STOX1: variants seen among roughly 807,000 people sequenced by gnomAD.
STOX1 encodes the protein storkhead-box protein 1.
STOX1 carries 57 observed loss-of-function variants against 74.8 expected under a neutral mutation model. The observed-to-expected ratio is 0.76, with a 90% CI of 0.62 to 0.95. The LOEUF (loss-of-function observed/expected upper bound fraction) is 0.95. Among genes scored for constraint, STOX1 ranks in the 40% least tolerant of loss-of-function variants. The probability of loss-of-function intolerance (pLI) is 0.00; values close to 1 mark genes in which losing one functional copy is unlikely to be tolerated. For synonymous variants in STOX1, 375 were observed against 401.3 expected (o/e 0.93, Z 0.78); for missense variants, 1,010 against 1,117.0 (o/e 0.90, Z 1.37).
At chr10:68,851,311 A>AAG (rs1554828222) in intron 1 of STOX1, among the ~76,000 whole-genome samples, 2 of 151,980 alleles carry the variant, frequency 1.3e-5, no homozygotes, top group African/African-American at 4.8e-5. Context: ...AAAAAAAAAA[A>AAG]AAAAAGAAAA....
At chr10:68,894,597 G>T (rs374043900), downstream of STOX1, among the ~76,000 whole-genome samples, 1 of 152,208 alleles carries the variant, frequency 6.6e-6, no homozygotes, top group African/African-American at 2.4e-5. Flanking sequence ...CCTGCTCTAA[G>T]TGCCAAGAGA....
rs35174437 is a variant in STOX1 at position 68,888,802 on chromosome 10, A to ATTTTTTTT, written c.2822+2209_2822+2216dup. Among the ~76,000 whole-genome samples the ATTTTTTTT allele has an allele frequency of 3.0e-3, 96 of 32,064 alleles. 19 individuals carry two copies. Among genetic ancestry groups the ATTTTTTTT allele is most frequent in the African/African-American group, 7.0e-3 (53 of 7,598 alleles). 21.0% of individuals were successfully genotyped at this position (32,064 alleles called of 152,430 possible). Reference sequence around the variant, plus strand: ...AGGCATATGTCACTATGCCCAGCTAATTTTTTTTTTTTTTTTTTTTTTTTT... The same window carrying ATTTTTTTT: ...AGGCATATGTCACTATGCCCAGCTAATTTTTTTTTTTTTTTTTTTTTTTTTTTTTTTTT... On this transcript the variant is annotated intron_variant, in intron 3 of 3. Transcript: ENST00000298596.
chr10:68,884,697 T>C lies in STOX1; in HGVS notation c.901T>C (p.Tyr301His), dbSNP rs1237067454. The change falls in exon 3 of 4, where the codon TAC becomes CAC. Residue 301 changes from tyrosine to histidine, a missense_variant. Transcript: ENST00000298596. ...TTGTGAGAGCACCAAACCTTTACCA[T>C]ACACAAGAGATAAAGAAAAAGGCAA... ...HICESTKPLP[Y>H]TRDKEKGKKF... 3 of 1,614,022 alleles carry C rather than the reference T, an allele frequency of 1.9e-6. No homozygotes were observed. Among genetic ancestry groups the C allele is most frequent in the Non-Finnish European group, 1.7e-6 (2 of 1,180,024 alleles).
At chr10:68,863,245 G>A (rs1840305831) in intron 1 of STOX1, among the ~76,000 whole-genome samples, 1 of 152,088 alleles carries the variant, frequency 6.6e-6, no homozygotes, top group African/African-American at 2.4e-5. Flanking sequence ...TGCCCCAATA[G>A]TAGAATTGTT....
intron 1 of STOX1, among the ~76,000 whole-genome samples, chr10:68,830,435 TG>T (rs1839376824): frequency 6.6e-6 from 1 of 152,172 alleles, no homozygotes; most frequent in Admixed American, 6.5e-5. Flanking sequence ...CTCCACCTCC[TG>T]GGTTCAAGTG....
chr10:68,885,218 A>G lies in STOX1; in HGVS notation c.1422A>G (p.Lys474=), dbSNP rs1301604717. 6.2e-7 allele frequency: 1 copy of G among 1,614,170 alleles called. No individual in the cohort carries two copies. Among genetic ancestry groups the G allele is most frequent in the East Asian group, 2.2e-5 (1 of 44,878 alleles). ...GCCCAAATGAAATGGTAGGTCAGAA[A>G]CCACTTGGTGAGATTACAACAGTGC... ...IKSPNEMVGQ[K]PLGEITTVLG... is the part of the protein sequence containing the mutation. Residue 474 remains lysine (K), a synonymous_variant, in exon 3 of 4, where the codon AAA becomes AAG. Coordinates refer to ENST00000298596, the MANE Select transcript of STOX1 (RefSeq NM_152709.5).
intron 1 of STOX1, among the ~76,000 whole-genome samples, chr10:68,832,917 C>G (rs1397344599): frequency 6.6e-6 from 1 of 151,832 alleles, no homozygotes; most frequent in African/African-American, 2.4e-5. Flanking sequence ...TTGCGTGCCA[C>G]TGTGCCTAGC....
chr10:68,850,726 C>T (rs1216792456), intron 1 of STOX1, among the ~76,000 whole-genome samples: 1 of 152,230 alleles, frequency 6.6e-6, no homozygotes, highest in Non-Finnish European at 1.5e-5. Context: ...GTAATCCCAG[C>T]ACTGGGAGGC....
chr10:68,894,140 A>C (rs1733411343), downstream of STOX1, among the ~76,000 whole-genome samples: 1 of 151,544 alleles, frequency 6.6e-6, no homozygotes, highest in Non-Finnish European at 1.5e-5. Context: ...GTTTACTGCA[A>C]CCTCTGCCTC....
chr10:68,894,599 G>T (rs970462744), downstream of STOX1, among the ~76,000 whole-genome samples: 1 of 152,222 alleles, frequency 6.6e-6, no homozygotes, highest in Non-Finnish European at 1.5e-5. Flanking sequence ...TGCTCTAAGT[G>T]CCAAGAGAGG....
chr10:68,866,732 A>G (rs1032727221), intron 1 of STOX1, among the ~76,000 whole-genome samples: 11 of 152,062 alleles, frequency 7.2e-5, no homozygotes, highest in African/African-American at 2.7e-4. Context: ...GCGGCTCTCC[A>G]GGCACACTCA....
chr10:68,854,626 C>G (rs1840076443), intron 1 of STOX1, among the ~76,000 whole-genome samples: 1 of 152,116 alleles, frequency 6.6e-6, no homozygotes, highest in African/African-American at 2.4e-5. Context: ...GCATAACTCA[C>G]TACAGGTATG....
chr10:68,867,668 C>T (rs916951614), intron 1 of STOX1, among the ~76,000 whole-genome samples: 8 of 152,354 alleles, frequency 5.3e-5, no homozygotes, highest in African/African-American at 1.4e-4. Context: ...TCACACTCCT[C>T]TCCTTCATCT....
At chr10:68,882,394 T>C (rs1425405420) in intron 2 of STOX1, among the ~76,000 whole-genome samples, 1 of 152,128 alleles carries the variant, frequency 6.6e-6, no homozygotes, top group African/African-American at 2.4e-5. Flanking sequence ...AAAGTTTATT[T>C]CCCCTCATCT....
Position 68,869,478 on chromosome 10 carries a change from A to G in STOX1, c.311-12480A>G, listed in dbSNP as rs114721615. On this transcript the variant is annotated intron_variant, in intron 1 of 3. Transcript: ENST00000298596. ...AGCTGATGGGATCAGAAAACTATCCATGATAGAGTCACTGAGCATTTTAGT... is the reference window on the plus strand; with the variant it reads ...AGCTGATGGGATCAGAAAACTATCCGTGATAGAGTCACTGAGCATTTTAGT... Among the ~76,000 whole-genome samples the G allele has an allele frequency of 3.7e-3, 558 of 152,360 alleles. 5 individuals carry two copies. The highest frequency in any genetic ancestry group is 0.013 in the African/African-American group (529 of 41,580).
At chr10:68,831,572 G>T (rs2133483058) in intron 1 of STOX1, among the ~76,000 whole-genome samples, 1 of 152,194 alleles carries the variant, frequency 6.6e-6, no homozygotes, top group Middle Eastern at 3.4e-3. Flanking sequence ...GAAAATGCAG[G>T]GAGAGAGGGA....
chr10:68,873,909 A>G (rs1467355732), intron 1 of STOX1, among the ~76,000 whole-genome samples: 25 of 150,458 alleles, frequency 1.7e-4, no homozygotes, highest in Admixed American at 1.7e-3. Flanking sequence ...TCGGCCTCTC[A>G]AAGTGCTGGG....
intron 1 of STOX1, among the ~76,000 whole-genome samples, chr10:68,838,121 T>C (rs1839606095): frequency 6.6e-6 from 1 of 151,466 alleles, no homozygotes; most frequent in Non-Finnish European, 1.5e-5. Context: ...GGCTGGAGTG[T>C]CGTGGTGTGA....
At chr10:68,831,407 G>A (rs956658777) in intron 1 of STOX1, among the ~76,000 whole-genome samples, 1 of 152,054 alleles carries the variant, frequency 6.6e-6, no homozygotes, top group African/African-American at 2.4e-5. Flanking sequence ...TGCTAGTTTC[G>A]AACTCCTGAC....
Sources: gnomAD v4.1 joint callset for allele counts (sites outside exome capture counted in the v4.1 genomes callset) on GRCh38, gnomAD v4.1.1 for gene constraint, MANE v1.5 for transcripts, NCBI Gene and HGNC (gene_info 2026-07-23, HGNC 2026-07-21) for gene names.